Variants in DDHD2 observed in about 807,000 individuals in gnomAD.
DDHD2 encodes the protein DDHD domain containing 2.
DDHD2 carries 62 observed loss-of-function variants against 91.2 expected under a neutral mutation model. The observed-to-expected ratio is 0.68, with a 90% CI of 0.55 to 0.84. The LOEUF (loss-of-function observed/expected upper bound fraction) is 0.84, where lower values mean the gene tolerates loss of function less well. Ranked by LOEUF, DDHD2 falls within the 40% of genes least tolerant of loss-of-function variation. DDHD2 has a pLI of 0.00. For missense variants in DDHD2, 740 were observed against 846.9 expected, an observed-to-expected ratio of 0.87 and a Z score of 1.57; for synonymous variants, 271 against 293.9, an observed-to-expected ratio of 0.92 and a Z score of 0.80.
Position 38,268,854 on chromosome 8 carries a change from G to A in DDHD2, n.88-2268G>A, listed in dbSNP as rs775179862. 3 of 1,528,116 alleles carry A rather than the reference G, an allele frequency of 2.0e-6. No homozygotes were observed. The African/African-American group carries it at 4.2e-5, about 22-fold the overall frequency. The allele number at this position is 1,528,116 out of a possible 1,614,324, so 94.7% of individuals were successfully genotyped here. A position where few individuals can be genotyped will look rare whatever the true frequency, so the allele number is the denominator to read the frequency against. ...CCGCGGGAAGCCGGGTCATGGGGAG[G>A]GAGGAAAGACGATCTTTCTCCACGC... On this transcript the variant is annotated intron_variant and non_coding_transcript_variant, in intron 1 of 1. Coordinates refer to the DDHD2 transcript ENST00000526071.
intron 1 of DDHD2, chr8:38,268,059 G>GAT: frequency 3.2e-6 from 5 of 1,584,934 alleles, no homozygotes; most frequent in Non-Finnish European, 4.3e-6. Context: ...GAGATGGATA[G>GAT]AATCCAACCA....
intron 6 of DDHD2, among the ~76,000 whole-genome samples, chr8:38,240,918 A>G (rs1193692133): frequency 6.6e-6 from 1 of 152,132 alleles, no homozygotes; most frequent in Non-Finnish European, 1.5e-5. Flanking sequence ...TAAAAATACA[A>G]AAATTAGCCG....
chr8:38,240,014 C>T (rs1212792836), intron 5 of DDHD2, among the ~76,000 whole-genome samples: 1 of 151,504 alleles, frequency 6.6e-6, no homozygotes, highest in East Asian at 2.0e-4. Flanking sequence ...TGAGCCACCG[C>T]GCCCAGCCGA....
At chr8:38,244,265 T>A (rs1374237041) in intron 7 of DDHD2, among the ~76,000 whole-genome samples, 1 of 150,444 alleles carries the variant, frequency 6.6e-6, no homozygotes, top group African/African-American at 2.4e-5. Context: ...TATATTTTAT[T>A]TTTTATTTTA....
downstream of DDHD2, chr8:38,264,614 G>A (rs373328557): frequency 5.1e-6 from 8 of 1,582,568 alleles, no homozygotes; most frequent in Admixed American, 1.8e-5. Flanking sequence ...TCTGAAGAGA[G>A]TGGAAACAAG....
At chr8:38,252,914 G>A (rs1433986929) in intron 14 of DDHD2, 43 bp from the exon 15 acceptor site, 1 of 1,611,298 alleles carries the variant, frequency 6.2e-7, no homozygotes, top group Middle Eastern at 1.7e-4. Flanking sequence ...TGGACCCTAA[G>A]CTCTTTGTAA....
At chr8:38,265,823 G>A (rs1807503309), downstream of DDHD2, among the ~76,000 whole-genome samples, 1 of 152,074 alleles carries the variant, frequency 6.6e-6, no homozygotes, top group African/African-American at 2.4e-5. Flanking sequence ...TTATGTTTTT[G>A]AACAAAAGTC....
chr8:38,238,740 A>C, intron 5 of DDHD2: 1 of 893,540 alleles, frequency 1.1e-6, no homozygotes, highest in East Asian at 1.2e-4. Flanking sequence ...AACATACCAA[A>C]CATTGATAAA....
chr8:38,261,649 A>T lies in DDHD2; in HGVS notation c.*1076A>T, dbSNP rs369084344. ...TTAACTTGTTCTGAAAGAAAAACTT[A>T]TGTCTGTAGGGTCCAAGAAACAGCT... On this transcript the variant is annotated 3_prime_UTR_variant, in exon 18 of 18. Transcript: ENST00000397166. The T allele has an allele frequency of 1.3e-5, 2 of 152,212 alleles. No individual in the cohort carries two copies. The highest frequency in any genetic ancestry group is 4.8e-5 in the African/African-American group (2 of 41,458). The allele number at this position is 152,212 out of a possible 1,614,324, so 9.4% of individuals were successfully genotyped here.
At chr8:38,251,800 T>C (rs1426517289) in intron 11 of DDHD2, 112 bp from the exon 12 acceptor site, 4 of 690,756 alleles carry the variant, frequency 5.8e-6, no homozygotes, top group African/African-American at 1.8e-5. Flanking sequence ...ACTTGAACTC[T>C]TGGGCTTAAA....
At chr8:38,257,662 ATTTTTTTT>A (rs35509320) in intron 16 of DDHD2, among the ~76,000 whole-genome samples, 1 of 109,384 alleles carries the variant, frequency 9.1e-6, no homozygotes, top group Non-Finnish European at 1.9e-5. Flanking sequence ...TTACCACAGT[ATTTTTTTT>A]TTTTTTTTTT....
At chr8:38,243,797 A>AT (rs1805420008) in intron 7 of DDHD2, among the ~76,000 whole-genome samples, 2 of 145,032 alleles carry the variant, frequency 1.4e-5, no homozygotes, top group South Asian at 2.2e-4. Flanking sequence ...CTTGCAGCTG[A>AT]TTTTTTTTAT....
Position 38,245,921 on chromosome 8 carries a change from G to C in DDHD2, c.1028G>C (p.Gly343Ala), listed in dbSNP as rs760303461. The change falls in exon 8 of 18, where the codon GGG (glycine) becomes GCG (alanine). Residue 343 changes from glycine (G) to alanine (A), a missense_variant. By Grantham distance (60) the Gly-to-Ala change is moderately conservative. This residue lies in a region of DDHD2 where 693 missense variants were observed against 764.2 expected (regional missense o/e 0.91). Transcript: ENST00000397166. ...LFLQRNPDFK[G>A]GVSIAGHSLG... is the part of the protein sequence containing the mutation. ...CTACAGAGGAACCCTGATTTCAAAG[G>C]GGGTGTATCCATTGCTGGTCATAGT... The C allele has an allele frequency of 3.5e-5, 57 of 1,613,886 alleles. No homozygotes were observed. Among genetic ancestry groups the C allele is most frequent in the Non-Finnish European group, 4.7e-5 (56 of 1,180,014 alleles).
At chr8:38,266,045 T>A, downstream of DDHD2, 1 of 1,143,482 alleles carries the variant, frequency 8.7e-7, no homozygotes. Context: ...AATTTGTTCA[T>A]TCAGCAGATA....
At chr8:38,267,334 C>T (rs1563327704), downstream of DDHD2, 1 of 1,614,010 alleles carries the variant, frequency 6.2e-7, no homozygotes, top group South Asian at 1.1e-5. Flanking sequence ...CTGTACACAT[C>T]AAGTCAGAAT....
At chr8:38,268,429 G>A in intron 1 of DDHD2, 2 of 1,577,264 alleles carry the variant, frequency 1.3e-6, no homozygotes, top group Non-Finnish European at 8.6e-7. Context: ...TGGCCAGGAA[G>A]ATCAGAGACA....
At chr8:38,242,168 G>GTA in intron 6 of DDHD2, 82 bp from the exon 7 acceptor site, 1 of 1,103,258 alleles carries the variant, frequency 9.1e-7, no homozygotes, top group Non-Finnish European at 1.3e-6. Context: ...TGTAGTTAGA[G>GTA]TATAATTACA....
chr8:38,252,755 G>T lies in DDHD2; in HGVS notation c.1651G>T (p.Val551Leu). Residue 551 changes from valine to leucine, a missense_variant, in exon 14 of 18, where the codon GTG (valine) becomes TTG (leucine). By Grantham distance (32) the Val-to-Leu change is conservative (BLOSUM62 1). Coordinates refer to ENST00000397166, the MANE Select transcript of DDHD2 (RefSeq NM_015214.3). The part of the protein sequence containing the change: ...DPVAYRIEPM[V>L]VPGVEFEPML... ...TGTGGCCTATAGGATTGAACCAATG[G>T]TGGTCCCAGGAGTGGAATTTGAGCC... 1 of 1,613,932 alleles carries T rather than the reference G, an allele frequency of 6.2e-7. No individual in the cohort carries two copies. The highest frequency in any genetic ancestry group is 1.3e-5 in the African/African-American group (1 of 75,012).
rs753604679 is a variant in DDHD2, at chr8:38,249,787, C to T, written c.1328C>T (p.Thr443Ile). 5.6e-6 allele frequency: 9 copies of T among 1,607,854 alleles called. No individual in the cohort carries two copies. The African/African-American group carries it at 1.2e-4, about 21-fold the overall frequency. ...AAGAAGATATTAAACTATTTCAGCA[C>T]CAGAAAAAACTCAATGGTATGTGCC... ...PRKKILNYFS[T>I]RKNSMGIKRP... Residue 443 changes from threonine (T) to isoleucine (I), a missense_variant, in exon 11 of 18, where the codon ACC (threonine) becomes ATC (isoleucine). Transcript: ENST00000397166.
Sources: gnomAD v4.1 joint callset for allele counts (sites outside exome capture counted in the v4.1 genomes callset) on GRCh38, gnomAD v4.1.1 for gene constraint, gnomAD v4.1.1 regional missense constraint, MANE v1.5 for transcripts, NCBI Gene and HGNC (gene_info 2026-07-23, HGNC 2026-07-21) for gene names.